The following COL25A1 variants were observed in gnomAD, a reference collection of about 807,000 sequenced individuals.
The protein encoded by COL25A1 is collagen alpha-1(XXV) chain.
A neutral mutation model predicts 128.4 loss-of-function variants in COL25A1; 103 were observed. The observed-to-expected ratio is 0.80, with a 90% CI of 0.68 to 0.94. COL25A1 has a LOEUF of 0.94. Ranked by LOEUF, COL25A1 falls within the 40% of genes least tolerant of loss-of-function variation. The pLI, the probability that COL25A1 is intolerant of heterozygous loss-of-function variation, is 0.00. For synonymous variants in COL25A1, 279 were observed against 277.2 expected (o/e 1.01, Z -0.06); for missense variants, 745 against 840.0 (o/e 0.89, Z 1.40).
intron 19 of COL25A1, among the ~76,000 whole-genome samples, chr4:108,872,446 A>G (rs954018650): frequency 1.1e-4 from 16 of 152,174 alleles, no homozygotes; most frequent in Non-Finnish European, 1.5e-5. Flanking sequence ...AAGGTTTATT[A>G]TATGGTTCCA....
At chr4:109,189,406 A>C (rs1028646609) in intron 3 of COL25A1, among the ~76,000 whole-genome samples, 1 of 151,686 alleles carries the variant, frequency 6.6e-6, no homozygotes, top group African/African-American at 2.4e-5. Context: ...AAATTAGCTA[A>C]GTGTGCTGGC....
intron 3 of COL25A1, among the ~76,000 whole-genome samples, chr4:109,178,451 A>G (rs1388920891): frequency 2.0e-5 from 3 of 152,176 alleles, no homozygotes; most frequent in Non-Finnish European, 4.4e-5. Context: ...TTAGGTATAC[A>G]TTTGACCTTG....
At chr4:108,934,417 T>C (rs1000413452) in intron 11 of COL25A1, among the ~76,000 whole-genome samples, 1 of 152,034 alleles carries the variant, frequency 6.6e-6, no homozygotes, top group Non-Finnish European at 1.5e-5. Context: ...CAAAACAACA[T>C]GGCACATGTA....
At chr4:109,065,537 CGCGCGCGCGTGTGTGT>C (rs1560624828) in intron 3 of COL25A1, among the ~76,000 whole-genome samples, 2 of 132,104 alleles carry the variant, frequency 1.5e-5, no homozygotes, top group African/African-American at 6.0e-5. Context: ...GCAGCACGCG[CGCGCGCGCGTGTGTGT>C]GTGTGTGTGT....
chr4:109,244,084 T>C (rs1780090420), intron 3 of COL25A1, among the ~76,000 whole-genome samples: 1 of 150,556 alleles, frequency 6.6e-6, no homozygotes, highest in Admixed American at 6.7e-5. Context: ...CTCACAGTCA[T>C]ACACAAACAC....
intron 3 of COL25A1, among the ~76,000 whole-genome samples, chr4:109,132,412 G>C (rs1480061924): frequency 2.6e-5 from 4 of 152,078 alleles, no homozygotes; most frequent in Non-Finnish European, 4.4e-5. Context: ...CTATTATTGA[G>C]AGATATAAAA....
intron 6 of COL25A1, among the ~76,000 whole-genome samples, chr4:108,986,792 C>T (rs1330961299): frequency 6.6e-6 from 1 of 152,116 alleles, no homozygotes; most frequent in East Asian, 1.9e-4. Context: ...TAAGAAATTA[C>T]TGGTAATTTT....
At chr4:109,088,198 A>C (rs765538571) in intron 3 of COL25A1, among the ~76,000 whole-genome samples, 8 of 152,110 alleles carry the variant, frequency 5.3e-5, no homozygotes, top group Admixed American at 1.3e-4. Flanking sequence ...AAGTTGATAC[A>C]GTTTAGAGGC....
chr4:109,062,816 T>G (rs1395016027), intron 3 of COL25A1, among the ~76,000 whole-genome samples: 1 of 152,188 alleles, frequency 6.6e-6, no homozygotes, highest in Non-Finnish European at 1.5e-5. Context: ...GCTTTGAAGT[T>G]AGTTGTTAAT....
chr4:108,976,945 T>A (rs1752497168), intron 6 of COL25A1, among the ~76,000 whole-genome samples: 1 of 152,248 alleles, frequency 6.6e-6, no homozygotes, highest in African/African-American at 2.4e-5. Flanking sequence ...ATAAGTATTA[T>A]GATAATCCTT....
At chr4:109,152,293 T>C (rs1474811681) in intron 3 of COL25A1, among the ~76,000 whole-genome samples, 2 of 152,176 alleles carry the variant, frequency 1.3e-5, no homozygotes, top group Non-Finnish European at 2.9e-5. Flanking sequence ...TCAAAAATTA[T>C]ACTTGAATTC....
intron 3 of COL25A1, among the ~76,000 whole-genome samples, chr4:109,114,204 A>T (rs1257980526): frequency 1.3e-5 from 2 of 152,116 alleles, no homozygotes; most frequent in African/African-American, 4.8e-5. Flanking sequence ...TGAACACTCA[A>T]TTAATTATTT....
intron 3 of COL25A1, among the ~76,000 whole-genome samples, chr4:109,194,807 T>C (rs1234426944): frequency 6.6e-6 from 1 of 152,154 alleles, no homozygotes; most frequent in Non-Finnish European, 1.5e-5. Context: ...AGAGAAAGAA[T>C]ATTTCTCTGC....
chr4:109,225,996 TACACACACAC>T (rs10642927), intron 3 of COL25A1, among the ~76,000 whole-genome samples: 24 of 147,058 alleles, frequency 1.6e-4, no homozygotes, highest in East Asian at 5.9e-4. Flanking sequence ...GTATTTGTAA[TACACACACAC>T]ACACACACAC....
intron 3 of COL25A1, among the ~76,000 whole-genome samples, chr4:109,070,297 G>A (rs978273726): frequency 2.6e-5 from 4 of 151,114 alleles, no homozygotes; most frequent in African/African-American, 7.3e-5. Context: ...CTATTGTTTG[G>A]CACCAGTGTA....
Position 109,302,238 on chromosome 4 carries a change from A to C in COL25A1, c.-126T>G. ...CGCTTTCTTCTCTCCTCCCAGCTGG[A>C]AGTGAAAAGCACCCTCCGTCCGGGG... On this transcript the variant is annotated 5_prime_UTR_variant, in exon 1 of 38. Coordinates refer to ENST00000399132, the MANE Select transcript of COL25A1 (RefSeq NM_198721.4). 1.7e-6 allele frequency: 1 copy of C among 573,978 alleles called. No homozygotes were observed. Among genetic ancestry groups the C allele is most frequent in the Non-Finnish European group, 2.9e-6 (1 of 345,180 alleles). 35.6% of individuals were successfully genotyped at this position (573,978 alleles called of 1,614,324 possible).
chr4:108,981,992 G>C (rs192054235), intron 6 of COL25A1, among the ~76,000 whole-genome samples: 1 of 152,194 alleles, frequency 6.6e-6, no homozygotes, highest in Admixed American at 6.5e-5. Flanking sequence ...TCAGGAGTTC[G>C]AGACCAGCCT....
chr4:109,141,473 C>T (rs753888125), intron 3 of COL25A1, among the ~76,000 whole-genome samples: 8 of 152,148 alleles, frequency 5.3e-5, no homozygotes, highest in Non-Finnish European at 8.8e-5. Flanking sequence ...GAGATTCCTT[C>T]TTTTTCTGTT....
At chr4:109,009,522 T>C (rs1437424311) in intron 6 of COL25A1, among the ~76,000 whole-genome samples, 3 of 152,168 alleles carry the variant, frequency 2.0e-5, no homozygotes, top group Non-Finnish European at 2.9e-5. Context: ...TGATATTGAC[T>C]ACAAAACTAT....
Sources: gnomAD v4.1 joint callset for allele counts (sites outside exome capture counted in the v4.1 genomes callset) on GRCh38, gnomAD v4.1.1 for gene constraint, MANE v1.5 for transcripts, NCBI Gene and HGNC (gene_info 2026-07-23, HGNC 2026-07-21) for gene names.